COX17: variants seen among roughly 807,000 people sequenced by gnomAD.
The protein encoded by COX17 is cytochrome c oxidase copper chaperone COX17.
A neutral mutation model predicts 6.3 loss-of-function variants in COX17; 1 was observed. The ratio of observed to expected loss-of-function variants is 0.16; its 90% CI spans 0.06 to 0.75. The LOEUF is 0.75. COX17 is among the 30% of genes least tolerant of loss of function. The pLI, the probability that COX17 is intolerant of heterozygous loss-of-function variation, is 0.77. For synonymous variants in COX17, 26 were observed against 30.5 expected (o/e 0.85, Z 0.49); for missense variants, 73 against 81.2 (o/e 0.90, Z 0.39).
chr3:119,677,045 A>G lies in COX17; in HGVS notation c.107+159T>C, dbSNP rs1211510631. On this transcript the variant is annotated intron_variant, in intron 1 of 2. Transcript: ENST00000261070. ...GGGCGGGGGGGGGGGGCAGACAGGG[A>G]GGAGGAGTGGGGGAAGGGGGGAAGG... 176 of 384,688 alleles carry G rather than the reference A, an allele frequency of 4.6e-4. No homozygotes were observed. In the African/African-American group the frequency reaches 4.9e-3, roughly 11 times the overall value. 23.8% of individuals were successfully genotyped at this position (384,688 alleles called of 1,614,324 possible).
downstream of COX17, among the ~76,000 whole-genome samples, chr3:119,664,565 G>A (rs1006751490): frequency 6.6e-6 from 1 of 152,192 alleles, no homozygotes; most frequent in Non-Finnish European, 1.5e-5. Context: ...AGGAGCAGCA[G>A]ACAAGAGGCA....
At chr3:119,671,343 A>G (rs1039124733) in intron 2 of COX17, among the ~76,000 whole-genome samples, 1 of 152,238 alleles carries the variant, frequency 6.6e-6, no homozygotes, top group African/African-American at 2.4e-5. Context: ...AATGTATAAT[A>G]GATTTATTCC....
chr3:119,664,133 A>G (rs1049979025), intron 3 of COX17, among the ~76,000 whole-genome samples: 1 of 152,256 alleles, frequency 6.6e-6, no homozygotes, highest in African/African-American at 2.4e-5. Flanking sequence ...ATCCAATAAA[A>G]TAAGTGTACT....
rs375709792 is a variant in COX17, at chr3:119,671,295, C to G, written c.*5-1630G>C. 3.3e-5 allele frequency among the ~76,000 whole-genome samples: 5 copies of G among 152,258 alleles called. No individual in the cohort carries two copies. In the East Asian group the frequency reaches 5.8e-4, roughly 18 times the overall value. On this transcript the variant is annotated intron_variant, in intron 2 of 2. Coordinates refer to ENST00000261070, the MANE Select transcript of COX17 (RefSeq NM_005694.2). ...GAGGTGCACCTCTGGGTAAGAACCA[C>G]TGGGTGAATGTAGCCTACTTTCAGG... is the stretch of plus-strand genomic sequence containing the variant.
intron 1 of COX17, among the ~76,000 whole-genome samples, chr3:119,676,044 GC>G (rs2053095877): frequency 6.6e-6 from 1 of 152,192 alleles, no homozygotes; most frequent in African/African-American, 2.4e-5. Flanking sequence ...ATCATTTATT[GC>G]CATGTATACT....
intron 2 of COX17, chr3:119,674,912 G>A: frequency 2.1e-6 from 1 of 466,586 alleles, no homozygotes; most frequent in Non-Finnish European, 3.8e-6. Context: ...GGGACCTAAA[G>A]GCTTTTGTCA....
rs1271898360 is a variant in COX17, at chr3:119,669,549, T to A, written c.*121A>T. On this transcript the variant is annotated 3_prime_UTR_variant, in exon 3 of 3. Transcript: ENST00000261070. ...TGAAGATCTTCCACTAGTAATATTT[T>A]ACTTTCTTCTTACAATAAATTATAA... 1.3e-5 allele frequency: 2 copies of A among 152,236 alleles called. No homozygotes were observed. Among genetic ancestry groups the A allele is most frequent in the Non-Finnish European group, 2.9e-5 (2 of 68,038 alleles). 9.4% of individuals were successfully genotyped at this position (152,236 alleles called of 1,614,324 possible).
intron 2 of COX17, among the ~76,000 whole-genome samples, chr3:119,672,032 A>G (rs1260052017): frequency 1.3e-5 from 2 of 152,246 alleles, no homozygotes; most frequent in Non-Finnish European, 2.9e-5. Context: ...ATAATAATCA[A>G]GTCATATACT....
intron 2 of COX17, among the ~76,000 whole-genome samples, chr3:119,670,941 A>G (rs1380625932): frequency 1.3e-5 from 2 of 152,176 alleles, no homozygotes; most frequent in Admixed American, 1.3e-4. Context: ...AGGCAGGAAG[A>G]TAGTAGCCAT....
downstream of COX17, chr3:119,667,083 C>T (rs1329650456): frequency 6.6e-6 from 1 of 152,136 alleles, no homozygotes; most frequent in Admixed American, 6.5e-5. Flanking sequence ...AGGATATGAT[C>T]CTGTTTTCAT....
At chr3:119,667,115 C>T (rs2052999622), downstream of COX17, 1 of 152,136 alleles carries the variant, frequency 6.6e-6, no homozygotes, top group Non-Finnish European at 1.5e-5. Context: ...TCAAACATTT[C>T]AAGGTTAGAC....
At chr3:119,668,706 T>G (rs531273628), downstream of COX17, among the ~76,000 whole-genome samples, 10 of 152,230 alleles carry the variant, frequency 6.6e-5, no homozygotes, top group African/African-American at 2.4e-4. Flanking sequence ...CTCCTTATTT[T>G]ATAAAGGAGG....
rs561201740 is a variant in COX17 at position 119,672,826 on chromosome 3, G to A, written c.*4+2319C>T. 3.9e-5 allele frequency among the ~76,000 whole-genome samples: 6 copies of A among 152,286 alleles called. No homozygotes were observed. The South Asian group carries it at 8.3e-4, about 21-fold the overall frequency. ...GAGTAATGTCTTGATGAAGCTAAATGTAGCTAAACTTAAAAACATGATAAA... is the reference window on the plus strand; with the variant it reads ...GAGTAATGTCTTGATGAAGCTAAATATAGCTAAACTTAAAAACATGATAAA... On this transcript the variant is annotated intron_variant, in intron 2 of 2. Coordinates refer to ENST00000261070, the MANE Select transcript of COX17 (RefSeq NM_005694.2).
At chr3:119,672,136 C>T (rs1441435704) in intron 2 of COX17, among the ~76,000 whole-genome samples, 1 of 152,186 alleles carries the variant, frequency 6.6e-6, no homozygotes, top group African/African-American at 2.4e-5. Context: ...TACATTGAAT[C>T]ATCACAACTC....
At chr3:119,667,446 T>A (rs940344570), downstream of COX17, among the ~76,000 whole-genome samples, 1 of 152,026 alleles carries the variant, frequency 6.6e-6, no homozygotes, top group African/African-American at 2.4e-5. Context: ...GGCAAAAGTT[T>A]AAAAAAATTG....
downstream of COX17, among the ~76,000 whole-genome samples, chr3:119,664,687 G>A (rs1271277671): frequency 6.6e-6 from 1 of 152,132 alleles, no homozygotes; most frequent in Non-Finnish European, 1.5e-5. Context: ...TTCATGCTGG[G>A]GTAAGGACAG....
At chr3:119,675,454 A>G (rs568087707) in intron 1 of COX17, 2 of 504,826 alleles carry the variant, frequency 4.0e-6, no homozygotes, top group South Asian at 5.8e-5. Flanking sequence ...GGGAAATCTG[A>G]TAAGAAATAA....
At chr3:119,674,054 G>A (rs1485488660) in intron 2 of COX17, among the ~76,000 whole-genome samples, 1 of 152,032 alleles carries the variant, frequency 6.6e-6, no homozygotes, top group African/African-American at 2.4e-5. Flanking sequence ...CCTCTGCCCA[G>A]CTGCTGCCCC....
downstream of COX17, among the ~76,000 whole-genome samples, chr3:119,668,150 T>G (rs569466774): frequency 1.2e-3 from 182 of 152,270 alleles, no homozygotes; most frequent in African/African-American, 4.3e-3. Context: ...AAAAAAAATT[T>G]TATTTTGTTT....
Sources: allele counts gnomAD v4.1 joint callset (sites outside exome capture counted in the v4.1 genomes callset), GRCh38; gene constraint gnomAD v4.1.1; transcripts MANE v1.5; gene names NCBI Gene and HGNC (gene_info 2026-07-23, HGNC 2026-07-21).